The following RBPMS variants were observed in gnomAD, a reference collection of about 807,000 sequenced individuals.
RBPMS encodes the protein RNA binding protein, mRNA processing factor.
RBPMS carries 7 observed loss-of-function variants against 26.8 expected under a neutral mutation model. That is an observed-to-expected ratio of 0.26 (90% CI 0.15 to 0.49). The LOEUF is 0.49. Among genes scored for constraint, RBPMS ranks in the 20% least tolerant of loss-of-function variants. The pLI is 0.98. For missense variants in RBPMS, 186 were observed against 250.0 expected, an observed-to-expected ratio of 0.74 and a Z score of 1.73; for synonymous variants, 96 against 93.3, an observed-to-expected ratio of 1.03 and a Z score of -0.17.
intron 5 of RBPMS, among the ~76,000 whole-genome samples, chr8:30,533,789 GT>G (rs552373270): frequency 6.6e-6 from 1 of 152,040 alleles, no homozygotes; most frequent in Non-Finnish European, 1.5e-5. Context: ...CACAAATCAG[GT>G]TTTTTCCCCC....
chr8:30,437,512 T>C (rs1434266284), intron 1 of RBPMS, among the ~76,000 whole-genome samples: 2 of 151,772 alleles, frequency 1.3e-5, no homozygotes, highest in African/African-American at 4.8e-5. Flanking sequence ...AAAATTAGGC[T>C]GGGCTTGGTG....
intron 7 of RBPMS, 32 bp downstream of exon 7, chr8:30,558,988 A>G (rs1437716208): frequency 6.3e-7 from 1 of 1,586,658 alleles, no homozygotes; most frequent in Admixed American, 1.7e-5. Flanking sequence ...GAATGTGCGA[A>G]GCCCCTAGAA....
chr8:30,411,663 A>AG (rs1244994289), intron 1 of RBPMS, among the ~76,000 whole-genome samples: 6 of 115,886 alleles, frequency 5.2e-5, no homozygotes, highest in South Asian at 2.9e-4. Context: ...ACCCTGTCTC[A>AG]GAAAAAAAAA....
rs922258032 is a variant in RBPMS, at chr8:30,523,350, C to T, written c.397+18914C>T. Among the ~76,000 whole-genome samples the T allele has an allele frequency of 2.0e-5, 3 of 149,182 alleles. No homozygotes were observed. In the Admixed American group the frequency reaches 2.0e-4, roughly 10 times the overall value. ...TGAGATCGTACCACTGCATTCCAGC[C>T]TGGGCAAGAGAGTGAAACTGTGTCT... On this transcript the variant is annotated intron_variant, in intron 5 of 8. Coordinates refer to ENST00000397323, the MANE Select transcript of RBPMS (RefSeq NM_001008710.3).
chr8:30,567,404 C>A (rs1391456076), intron 8 of RBPMS, among the ~76,000 whole-genome samples: 1 of 152,208 alleles, frequency 6.6e-6, no homozygotes, highest in East Asian at 1.9e-4. Flanking sequence ...TCCCAGGGTG[C>A]CTGTTTCTTG....
chr8:30,502,614 T>G (rs1820678384), intron 4 of RBPMS, among the ~76,000 whole-genome samples: 1 of 152,100 alleles, frequency 6.6e-6, no homozygotes, highest in South Asian at 2.1e-4. Flanking sequence ...AATGAGGAAG[T>G]CCTTTTACAG....
At chr8:30,550,930 T>G (rs1826310377) in intron 6 of RBPMS, among the ~76,000 whole-genome samples, 1 of 152,234 alleles carries the variant, frequency 6.6e-6, no homozygotes. Context: ...CTTATCTCAC[T>G]TTCCTATCGG....
chr8:30,386,139 A>G (rs1336260265), intron 1 of RBPMS, among the ~76,000 whole-genome samples: 1 of 152,102 alleles, frequency 6.6e-6, no homozygotes, highest in African/African-American at 2.4e-5. Context: ...ACGTCTAAAT[A>G]TGACCCGAAA....
At chr8:30,461,898 C>G (rs910850047) in intron 1 of RBPMS, among the ~76,000 whole-genome samples, 1 of 152,214 alleles carries the variant, frequency 6.6e-6, no homozygotes, top group South Asian at 2.1e-4. Context: ...GTCCCCACTA[C>G]AGAGATCTCT....
Position 30,425,220 on chromosome 8 carries a change from C to T in RBPMS, c.66+40062C>T, listed in dbSNP as rs578009168. Among the ~76,000 whole-genome samples, 7 of 152,048 alleles carry T rather than the reference C, an allele frequency of 4.6e-5. No homozygotes were observed. In the South Asian group the frequency reaches 1.5e-3, roughly 32 times the overall value. ...GATCCTCCCGCCTTGGCCTCTCACT[C>T]AAAGTGCTGAGATTATAGGCATTTA... On this transcript the variant is annotated intron_variant, in intron 1 of 8. Coordinates refer to ENST00000397323, the MANE Select transcript of RBPMS (RefSeq NM_001008710.3).
chr8:30,414,031 C>T (rs981372975), intron 1 of RBPMS, among the ~76,000 whole-genome samples: 25 of 152,160 alleles, frequency 1.6e-4, no homozygotes, highest in African/African-American at 5.6e-4. Context: ...TGTGAGCCAC[C>T]GTGCCCAGCC....
intron 8 of RBPMS, among the ~76,000 whole-genome samples, chr8:30,568,747 T>G (rs1052784236): frequency 5.3e-5 from 8 of 152,210 alleles, no homozygotes; most frequent in Non-Finnish European, 1.2e-4. Flanking sequence ...GGATTCTGTT[T>G]AAAATGTCCT....
Position 30,385,030 on chromosome 8 carries a change from A to C in RBPMS, c.-63A>C. ...CGCCCGGGGAAGGCTCCAGTGGGCTAGCGCGCCCTCGCCCAGCCCCGCGCC... is the reference window on the plus strand; with the variant it reads ...CGCCCGGGGAAGGCTCCAGTGGGCTCGCGCGCCCTCGCCCAGCCCCGCGCC... On this transcript the variant is annotated 5_prime_UTR_variant, in exon 1 of 9. Transcript: ENST00000397323. The C allele has an allele frequency of 3.2e-3, 3,605 of 1,114,726 alleles. No homozygotes were observed. The highest frequency in any genetic ancestry group is 4.1e-3 in the Non-Finnish European group (3,266 of 795,114). The allele number at this position is 1,114,726 out of a possible 1,614,324, so 69.1% of individuals were successfully genotyped here.
At chr8:30,462,031 T>G (rs528826333) in intron 1 of RBPMS, among the ~76,000 whole-genome samples, 1 of 152,370 alleles carries the variant, frequency 6.6e-6, no homozygotes, top group South Asian at 2.1e-4. Context: ...GTAGTTTATT[T>G]ATTCTCATTG....
intron 1 of RBPMS, among the ~76,000 whole-genome samples, chr8:30,471,878 C>A (rs78099005): frequency 0.018 from 2,731 of 152,210 alleles, 67 homozygotes; most frequent in African/African-American, 0.061. Flanking sequence ...AGATACAGAA[C>A]ACTTGAACAA....
intron 5 of RBPMS, among the ~76,000 whole-genome samples, chr8:30,526,580 A>G (rs1823611885): frequency 6.6e-6 from 1 of 152,226 alleles, no homozygotes; most frequent in Admixed American, 6.5e-5. Flanking sequence ...CTTGAAGCAC[A>G]CACAGCCTGG....
chr8:30,484,215 A>G (rs1818556697), intron 4 of RBPMS, among the ~76,000 whole-genome samples: 1 of 152,212 alleles, frequency 6.6e-6, no homozygotes, highest in Non-Finnish European at 1.5e-5. Flanking sequence ...TCCTGTTTGT[A>G]AAATTATAAC....
At chr8:30,479,103 T>C (rs778949693) in intron 3 of RBPMS, among the ~76,000 whole-genome samples, 3 of 152,180 alleles carry the variant, frequency 2.0e-5, no homozygotes, top group African/African-American at 4.8e-5. Context: ...CCAGCTGTGC[T>C]CTTGAAGAAC....
chr8:30,549,824 C>CTCTCTTTTCTT (rs1554543991), intron 6 of RBPMS, among the ~76,000 whole-genome samples: 4 of 126,142 alleles, frequency 3.2e-5, no homozygotes, highest in Non-Finnish European at 6.8e-5. Flanking sequence ...CTCTCTCTCT[C>CTCTCTTTTCTT]TCTTTTCTTT....
Sources: allele counts gnomAD v4.1 joint callset (sites outside exome capture counted in the v4.1 genomes callset), GRCh38; gene constraint gnomAD v4.1.1; transcripts MANE v1.5; gene names NCBI Gene and HGNC (gene_info 2026-07-23, HGNC 2026-07-21).